Variants in FBXW5 observed in about 807,000 individuals in gnomAD.
The protein encoded by FBXW5 is F-box and WD repeat domain containing 5.
Under a neutral mutation model 50.9 loss-of-function variants are expected in FBXW5, and 74 were observed. That is an observed-to-expected ratio of 1.45 (90% CI 1.20 to 1.76). The LOEUF (loss-of-function observed/expected upper bound fraction) is 1.76, where lower values mean the gene tolerates loss of function less well. Ranked by LOEUF, FBXW5 falls within the 40% of genes most tolerant of loss-of-function variation. FBXW5 has a pLI of 0.00. For missense variants in FBXW5, 1,073 were observed against 818.8 expected, an observed-to-expected ratio of 1.31 and a Z score of -3.79; for synonymous variants, 523 against 362.2, an observed-to-expected ratio of 1.44 and a Z score of -5.04.
chr9:136,941,851 C>G (rs1850784005), intron 6 of FBXW5, 167 bp from the exon 7 acceptor site: 4 of 1,436,510 alleles, frequency 2.8e-6, no homozygotes, highest in Non-Finnish European at 3.6e-6. Flanking sequence ...CGGTTGCTTG[C>G]TGGCCAGCGG....
At chr9:136,943,130 G>A (rs956112971) in intron 3 of FBXW5, 187 bp from the exon 4 acceptor site, 5 of 1,062,830 alleles carry the variant, frequency 4.7e-6, no homozygotes, top group African/African-American at 1.6e-5. Context: ...TGCCCCTGAA[G>A]CAGGCGGCTG....
In FBXW5 at chr9:136,943,523, G is replaced by A. The variant is rs763220161; in HGVS notation, c.194-17C>T. 6.2e-7 allele frequency: 1 copy of A among 1,603,232 alleles called. No individual in the cohort carries two copies. Among genetic ancestry groups the A allele is most frequent in the Non-Finnish European group, 8.5e-7 (1 of 1,173,036 alleles). On this transcript the variant is annotated splice_polypyrimidine_tract_variant and intron_variant, in intron 2 of 8. Coordinates refer to ENST00000325285, the MANE Select transcript of FBXW5 (RefSeq NM_018998.4). ...ACATGGCCGCTGCGGGTGGGCAGTT[G>A]TCAGTCCTGGGCCCGGGCCTTCCTC...
rs771894700 is a variant in FBXW5 at position 136,940,924 on chromosome 9, C to T, written c.*4G>A. 9 of 1,577,454 alleles carry T rather than the reference C, an allele frequency of 5.7e-6. No individual in the cohort carries two copies. The highest frequency in any genetic ancestry group is 1.3e-5 in the African/African-American group (1 of 74,320). On this transcript the variant is annotated 3_prime_UTR_variant, in exon 9 of 9. Transcript: ENST00000325285. Reference sequence around the variant, plus strand: ...CCCGGTGGCTCCAGTGCACCCAGCACACCTCAGCGCCTCTGGCTGGCAAGC... The same window carrying T: ...CCCGGTGGCTCCAGTGCACCCAGCATACCTCAGCGCCTCTGGCTGGCAAGC...
Position 136,941,818 on chromosome 9 carries a change from C to T in FBXW5, c.1097-134G>A, listed in dbSNP as rs905421792. The T allele has an allele frequency of 2.8e-6, 4 of 1,441,654 alleles. No homozygotes were observed. In the African/African-American group the frequency reaches 5.7e-5, roughly 21 times the overall value. The allele number at this position is 1,441,654 out of a possible 1,614,324, so 89.3% of individuals were successfully genotyped here. On this transcript the variant is annotated intron_variant, in intron 6 of 8. Transcript: ENST00000325285. ...CCGTGGGCACTGCCTGCTCCGGGGG[C>T]CCCAGACCTGAATCAGGCCCGTCGG... is the stretch of plus-strand genomic sequence containing the variant.
intron 6 of FBXW5, 31 bp downstream of exon 6, chr9:136,942,015 C>A: frequency 6.4e-7 from 1 of 1,574,560 alleles, no homozygotes; most frequent in Non-Finnish European, 8.7e-7. Context: ...CTCCTAGGAC[C>A]GAGGCGGGCA....
intron 1 of FBXW5, 39 bp downstream of exon 1, chr9:136,944,555 C>T (rs1283115568): frequency 1.2e-5 from 12 of 983,408 alleles, no homozygotes; most frequent in East Asian, 1.1e-4. Context: ...CGGGCGGGGA[C>T]GACAAGGCGG....
intron 6 of FBXW5, 29 bp from the exon 7 acceptor site, chr9:136,941,713 T>C (rs1212596175): frequency 1.3e-6 from 2 of 1,540,774 alleles, no homozygotes; most frequent in East Asian, 2.4e-5. Context: ...TGAGGGTCCC[T>C]GTCCAATGCC....
Position 136,942,305 on chromosome 9 carries a change from G to GAT in FBXW5, c.835_836dup (p.Phe280SerfsTer45), listed in dbSNP as rs750128276. ...CCTCGTTGTCGCTGCCCAGGTCAAAGATGCGGCAGGGGGACGTGGCCGGGT... is the reference window on the plus strand; with the variant it reads ...CCTCGTTGTCGCTGCCCAGGTCAAAGATATGCGGCAGGGGGACGTGGCCGGGT... On this transcript the variant is annotated frameshift_variant, in exon 6 of 9. Coordinates refer to ENST00000325285, the MANE Select transcript of FBXW5 (RefSeq NM_018998.4). LOFTEE classifies it high-confidence loss of function. 11 of 1,597,102 alleles carry GAT rather than the reference G, an allele frequency of 6.9e-6. No individual in the cohort carries two copies. The highest frequency in any genetic ancestry group is 9.4e-6 in the Non-Finnish European group (11 of 1,172,726).
At chr9:136,943,244 ACCCACCCCCCCC>A in intron 3 of FBXW5, 93 bp downstream of exon 3, 1 of 727,614 alleles carries the variant, frequency 1.4e-6, no homozygotes, top group Non-Finnish European at 2.1e-6. Context: ...CTCTGGCCTG[ACCCACCCCCCCC>A]CCCACCACCA....
intron 3 of FBXW5, 76 bp from the exon 4 acceptor site, chr9:136,943,019 G>A (rs754369450): frequency 1.3e-6 from 2 of 1,599,772 alleles, no homozygotes; most frequent in Non-Finnish European, 1.7e-6. Context: ...CAGCCATGAG[G>A]CCCCAGCTCT....
intron 3 of FBXW5, 51 bp downstream of exon 3, chr9:136,943,298 C>G (rs747805029): frequency 6.3e-7 from 1 of 1,583,790 alleles, no homozygotes; most frequent in African/African-American, 1.3e-5. Flanking sequence ...CTGGGACCTC[C>G]GTGCTGCGGC....
Position 136,942,607 on chromosome 9 carries a change from G to T in FBXW5, c.615C>A (p.Asn205Lys). 2 of 1,610,906 alleles carry T rather than the reference G, an allele frequency of 1.2e-6. No individual in the cohort carries two copies. Among genetic ancestry groups the T allele is most frequent in the Non-Finnish European group, 1.7e-6 (2 of 1,179,120 alleles). The stretch of plus-strand genomic sequence containing the variant: ...AGGTGATATCTCCGATGCGGTGCAG[G>T]TTCCCCGAGATGAGGCTGGTCTCGG... ...WLTETSLISG[N>K]LHRIGDITSC... The change falls in exon 5 of 9, where the codon AAC (asparagine) becomes AAA (lysine). Residue 205 changes from asparagine to lysine, a missense_variant. Coordinates refer to ENST00000325285, the MANE Select transcript of FBXW5 (RefSeq NM_018998.4).
intron 3 of FBXW5, 94 bp downstream of exon 3, chr9:136,943,255 C>T (rs533836419): frequency 7.2e-6 from 9 of 1,242,792 alleles, no homozygotes; most frequent in African/African-American, 1.4e-5. Context: ...CCCACCCCCC[C>T]CCCCACCACC....
In FBXW5 at chr9:136,944,593, C is replaced by T. The variant is rs1485094355; in HGVS notation, c.-24+1G>A. The T allele has an allele frequency of 3.0e-6, 3 of 984,186 alleles. No homozygotes were observed. Among genetic ancestry groups the T allele is most frequent in the Non-Finnish European group, 3.6e-6 (3 of 829,288 alleles). 61.0% of individuals were successfully genotyped at this position (984,186 alleles called of 1,614,324 possible). The stretch of plus-strand genomic sequence containing the variant: ...CCCCCGAGGGCCGCAGGCGCACTCA[C>T]CACGGCCGCCTCCGCCCGCTGCGCC... On this transcript the variant is annotated splice_donor_variant, in intron 1 of 8. Coordinates refer to ENST00000325285, the MANE Select transcript of FBXW5 (RefSeq NM_018998.4). LOFTEE classifies it low-confidence loss of function (5UTR_SPLICE).
rs768666071 is a variant in FBXW5, at chr9:136,941,183, C to T, written c.1458-12G>A. On this transcript the variant is annotated splice_polypyrimidine_tract_variant and intron_variant, in intron 8 of 8. Transcript: ENST00000325285. ...GGTCCTCCGCCCCGCTGCAGAACAG[C>T]GCCTGGGTGAGCCGGCCGCCCGCCC... 9.6e-5 allele frequency: 153 copies of T among 1,599,980 alleles called. No homozygotes were observed. The South Asian group carries it at 1.5e-3, about 16-fold the overall frequency.
In FBXW5 at chr9:136,944,118, C is replaced by T; in HGVS notation, c.-23-12G>A. The T allele has an allele frequency of 6.5e-7, 1 of 1,545,816 alleles. No homozygotes were observed. The highest frequency in any genetic ancestry group is 8.7e-7 in the Non-Finnish European group (1 of 1,144,744). On this transcript the variant is annotated splice_polypyrimidine_tract_variant and intron_variant, in intron 1 of 8. Transcript: ENST00000325285. ...CTGCCCAGGCGGCCCTGAAACCCAC[C>T]AACGGCTGCCCTCAGCCCAGGCCCG...
Position 136,941,135 on chromosome 9 carries a change from G to A in FBXW5, c.1494C>T (p.Arg498=). 6.3e-7 allele frequency: 1 copy of A among 1,597,302 alleles called. No homozygotes were observed. The highest frequency in any genetic ancestry group is 8.5e-7 in the Non-Finnish European group (1 of 1,171,042). ...GCCTGGCCAGACAGATGTTGTAGTG[G>A]CGGTCCCAGATGTAGCCGTGCCGGT... is the stretch of plus-strand genomic sequence containing the variant. The part of the protein sequence containing the change: ...AEDRHGYIWD[R]HYNICLARLR... Residue 498 remains arginine, a synonymous_variant, in exon 9 of 9, where the codon CGC becomes CGT. Coordinates refer to ENST00000325285, the MANE Select transcript of FBXW5 (RefSeq NM_018998.4).
intron 6 of FBXW5, 131 bp downstream of exon 6, chr9:136,941,915 G>C (rs1350955443): frequency 4.9e-6 from 7 of 1,439,712 alleles, no homozygotes; most frequent in Non-Finnish European, 6.4e-6. Context: ...GTCTGGGCTT[G>C]TGACCCCAGG....
In FBXW5 at chr9:136,940,621, C is replaced by T. The variant is rs1025746911; in HGVS notation, c.*307G>A. 1.5e-5 allele frequency: 6 copies of T among 399,586 alleles called. No individual in the cohort carries two copies. Among genetic ancestry groups the T allele is most frequent in the Admixed American group, 3.7e-5 (1 of 27,076 alleles). The allele number at this position is 399,586 out of a possible 1,614,324, so 24.8% of individuals were successfully genotyped here. The stretch of plus-strand genomic sequence containing the variant: ...AGGACCAGCCGAAGGTGCCCCGGGC[C>T]GAGGCCAGCTGGGTCAGGTGTACCC... On this transcript the variant is annotated 3_prime_UTR_variant, in exon 9 of 9. Transcript: ENST00000325285.
Sources: allele counts gnomAD v4.1 joint callset, GRCh38; gene constraint gnomAD v4.1.1; transcripts MANE v1.5; gene names NCBI Gene and HGNC (gene_info 2026-07-23, HGNC 2026-07-21).